The following ADGRV1 variants were observed in gnomAD, a reference collection of about 807,000 sequenced individuals.
ADGRV1 encodes G-protein coupled receptor 98.
Under a neutral mutation model 596.2 loss-of-function variants are expected in ADGRV1, and 359 were observed. That is an observed-to-expected ratio of 0.60 (90% confidence interval 0.55 to 0.66). The LOEUF (loss-of-function observed/expected upper bound fraction) is 0.66, where lower values mean the gene tolerates loss of function less well. ADGRV1 is among the 30% of genes least tolerant of loss of function. The probability of loss-of-function intolerance (pLI) is 0.00; values close to 1 mark genes in which losing one functional copy is unlikely to be tolerated. For synonymous variants in ADGRV1, 2,681 were observed against 2,679.2 expected, an observed-to-expected ratio of 1.00 and a Z score of -0.02; for missense variants, 7,274 against 7,575.6, an observed-to-expected ratio of 0.96 and a Z score of 1.48.
At chr5:90,752,457 C>A (rs1755373455) in intron 53 of ADGRV1, among the ~76,000 whole-genome samples, 1 of 152,120 alleles carries the variant, frequency 6.6e-6, no homozygotes, top group African/African-American at 2.4e-5. Context: ...CTTCCACCTT[C>A]CACCCTTGAA....
intron 85 of ADGRV1, among the ~76,000 whole-genome samples, chr5:91,056,765 C>T (rs114240650): frequency 0.012 from 1,758 of 152,188 alleles, 39 homozygotes; most frequent in African/African-American, 0.041. Flanking sequence ...CTTGAACCAC[C>T]GCTGCTCTGT....
rs769301381 is a variant in ADGRV1, at chr5:90,646,026, A to C, written c.2957A>C (p.Lys986Thr). 1.2e-6 allele frequency: 2 copies of C among 1,607,298 alleles called. No homozygotes were observed. The highest frequency in any genetic ancestry group is 1.7e-6 in the Non-Finnish European group (2 of 1,176,204). Reference protein sequence around the residue: ...VILLNGTGGAKVGNRTTATLR... With the variant: ...VILLNGTGGATVGNRTTATLR... The stretch of plus-strand genomic sequence containing the variant: ...CTACTGAATGGCACTGGAGGAGCTA[A>C]AGTGGGAAATAGAACAACTGCAACT... Residue 986 changes from lysine to threonine, a missense_variant, in exon 16 of 90, where the codon AAA becomes ACA. Physicochemically the swap from Lys to Thr is moderately conservative, Grantham distance 78. Coordinates refer to ENST00000405460, the MANE Select transcript of ADGRV1 (RefSeq NM_032119.4).
At chr5:90,712,568 A>G in intron 42 of ADGRV1, 140 bp downstream of exon 42, 3 of 669,614 alleles carry the variant, frequency 4.5e-6, no homozygotes, top group East Asian at 2.8e-5. Context: ...AGCATTTCAG[A>G]ATTCCTGTGT....
chr5:91,157,107 C>A (rs1796539820), intron 89 of ADGRV1, among the ~76,000 whole-genome samples: 1 of 152,182 alleles, frequency 6.6e-6, no homozygotes, highest in Non-Finnish European at 1.5e-5. Flanking sequence ...TTTATGCAAA[C>A]CTCCTTGGCC....
chr5:90,782,653 G>C (rs929081743), intron 65 of ADGRV1, among the ~76,000 whole-genome samples: 4 of 152,042 alleles, frequency 2.6e-5, no homozygotes, highest in Admixed American at 1.3e-4. Flanking sequence ...TAATCAAATT[G>C]TACTTGTATC....
At chr5:91,083,310 G>A (rs1582003572) in intron 86 of ADGRV1, among the ~76,000 whole-genome samples, 1 of 152,052 alleles carries the variant, frequency 6.6e-6, no homozygotes, top group Admixed American at 6.6e-5. Flanking sequence ...GTTAATGGGT[G>A]CAGCACACCA....
At chr5:90,858,246 G>A (rs1767215305) in intron 82 of ADGRV1, among the ~76,000 whole-genome samples, 2 of 152,210 alleles carry the variant, frequency 1.3e-5, no homozygotes, top group Middle Eastern at 3.4e-3. Flanking sequence ...ACACAAAGAT[G>A]GCTTGGGAGA....
chr5:90,592,739 A>G (rs541215751), intron 1 of ADGRV1, among the ~76,000 whole-genome samples: 1 of 152,334 alleles, frequency 6.6e-6, no homozygotes, highest in East Asian at 1.9e-4. Context: ...AATAACTTAA[A>G]CAAATTCACA....
intron 85 of ADGRV1, among the ~76,000 whole-genome samples, chr5:91,014,339 CT>C (rs986801163): frequency 6.6e-6 from 1 of 151,688 alleles, no homozygotes; most frequent in African/African-American, 2.4e-5. Context: ...TGAAGTTTTT[CT>C]TTTGTTGTTT....
chr5:91,155,828 T>C (rs775293981), intron 89 of ADGRV1, among the ~76,000 whole-genome samples: 1 of 152,174 alleles, frequency 6.6e-6, no homozygotes, highest in Non-Finnish European at 1.5e-5. Context: ...ATAACTCTTA[T>C]GAAAGTATGA....
intron 84 of ADGRV1, among the ~76,000 whole-genome samples, chr5:90,974,515 G>A (rs895875606): frequency 3.9e-4 from 59 of 152,134 alleles, no homozygotes; most frequent in Non-Finnish European, 2.5e-4. Flanking sequence ...TAGACCAATG[G>A]AACAGAACAG....
Position 91,014,175 on chromosome 5 carries a change from C to CACACACACACACACACACACACACACA in ADGRV1, c.18152+28653_18152+28654insACACACACACACACACACACACACACA, listed in dbSNP as rs56200811. ...ACACACACACACACACACACACACA[C>CACACACACACACACACACACACACACA]CCCTAGACATACAGCTAACCAGGGA... is the stretch of plus-strand genomic sequence containing the variant. On this transcript the variant is annotated intron_variant, in intron 85 of 89. Transcript: ENST00000405460. Among the ~76,000 whole-genome samples, 123 of 143,522 alleles carry CACACACACACACACACACACACACACA rather than the reference C, an allele frequency of 8.6e-4. 2 individuals carry two copies. Among genetic ancestry groups the CACACACACACACACACACACACACACA allele is most frequent in the South Asian group, 1.3e-3 (6 of 4,508 alleles). The allele number at this position is 143,522 out of a possible 152,430, so 94.2% of individuals were successfully genotyped here. A position where few individuals can be genotyped will look rare whatever the true frequency, so the allele number is the denominator to read the frequency against.
chr5:91,040,075 G>T (rs1785217929), intron 85 of ADGRV1, among the ~76,000 whole-genome samples: 1 of 152,054 alleles, frequency 6.6e-6, no homozygotes, highest in Non-Finnish European at 1.5e-5. Context: ...GCAAAATAAA[G>T]CCCTTTGAGG....
At chr5:91,044,600 A>T (rs971179986) in intron 85 of ADGRV1, among the ~76,000 whole-genome samples, 7 of 152,186 alleles carry the variant, frequency 4.6e-5, no homozygotes, top group African/African-American at 1.7e-4. Context: ...GGTTAAGTAA[A>T]AATGGAGAAT....
At position 90,724,820 on chromosome 5, in the gene ADGRV1, T is replaced by G; in HGVS notation, c.9749-12T>G. The G allele has an allele frequency of 3.7e-6, 6 of 1,612,014 alleles. No homozygotes were observed. The highest frequency in any genetic ancestry group is 5.1e-6 in the Non-Finnish European group (6 of 1,178,506). On this transcript the variant is annotated splice_polypyrimidine_tract_variant and intron_variant, in intron 45 of 89. Coordinates refer to ENST00000405460, the MANE Select transcript of ADGRV1 (RefSeq NM_032119.4). ...AGTAATAAACTAGTAAACCATGATT[T>G]GTGTTTTTCAGGGGGAATGGATGTT...
intron 87 of ADGRV1, among the ~76,000 whole-genome samples, chr5:91,144,410 A>G (rs1328290371): frequency 2.0e-5 from 3 of 152,054 alleles, no homozygotes; most frequent in East Asian, 1.9e-4. Flanking sequence ...GGCTCAAGCA[A>G]TCCTCCTGCT....
In ADGRV1 at chr5:90,693,871, T is replaced by C; in HGVS notation, c.7134-19T>C. 6.6e-7 allele frequency: 1 copy of C among 1,510,694 alleles called. No homozygotes were observed. The highest frequency in any genetic ancestry group is 1.4e-5 in the South Asian group (1 of 73,414). The allele number at this position is 1,510,694 out of a possible 1,614,324, so 93.6% of individuals were successfully genotyped here. On this transcript the variant is annotated intron_variant, in intron 32 of 89. Coordinates refer to ENST00000405460, the MANE Select transcript of ADGRV1 (RefSeq NM_032119.4). Reference sequence around the variant, plus strand: ...TTTGAGTGCTTAACCTGTCTTTTAATTGTCACTCCACATTTTAGCGGAGGG... The same window carrying C: ...TTTGAGTGCTTAACCTGTCTTTTAACTGTCACTCCACATTTTAGCGGAGGG...
intron 1 of ADGRV1, among the ~76,000 whole-genome samples, chr5:90,597,270 G>A (rs1322679286): frequency 6.6e-6 from 1 of 152,172 alleles, no homozygotes; most frequent in Admixed American, 6.5e-5. Flanking sequence ...TGTTCTGCAG[G>A]ATGTAAATAT....
At chr5:90,968,016 A>G (rs1778629768) in intron 84 of ADGRV1, among the ~76,000 whole-genome samples, 1 of 152,204 alleles carries the variant, frequency 6.6e-6, no homozygotes, top group Non-Finnish European at 1.5e-5. Context: ...AGGAACATTA[A>G]TTATCCAATG....
Sources: gnomAD v4.1 joint callset for allele counts (sites outside exome capture counted in the v4.1 genomes callset) on GRCh38, gnomAD v4.1.1 for gene constraint, MANE v1.5 for transcripts, NCBI Gene and HGNC (gene_info 2026-07-23, HGNC 2026-07-21) for gene names.